The following PLXNA4 variants were observed in gnomAD, a reference collection of about 807,000 sequenced individuals.
PLXNA4 encodes the protein plexin-A4.
PLXNA4 carries 44 observed loss-of-function variants against 191.8 expected under a neutral mutation model. The observed-to-expected ratio is 0.23, with a 90% CI of 0.18 to 0.29. The LOEUF (loss-of-function observed/expected upper bound fraction) is 0.29. Ranked by LOEUF, PLXNA4 falls within the 10% of genes least tolerant of loss-of-function variation. The pLI, the probability that PLXNA4 is intolerant of heterozygous loss-of-function variation, is 1.00. For synonymous variants in PLXNA4, 1,082 were observed against 1,009.5 expected (o/e 1.07, Z -1.36); for missense variants, 1,800 against 2,488.8 (o/e 0.72, Z 5.89).
intron 12 of PLXNA4, 78 bp downstream of exon 12, chr7:132,202,568 T>TGGGCA: frequency 7.4e-7 from 1 of 1,353,946 alleles, no homozygotes; most frequent in Non-Finnish European, 9.6e-7. Context: ...ACACCACGGC[T>TGGGCA]GGGCAGAGTT....
chr7:132,639,452 C>G (rs1198024002), intron 2 of PLXNA4, among the ~76,000 whole-genome samples: 1 of 152,190 alleles, frequency 6.6e-6, no homozygotes, highest in Non-Finnish European at 1.5e-5. Context: ...TAAGAAAAAG[C>G]AAGAATTCAG....
chr7:132,426,164 C>T (rs277470), intron 3 of PLXNA4, among the ~76,000 whole-genome samples: 4 of 152,164 alleles, frequency 2.6e-5, no homozygotes, highest in Non-Finnish European at 4.4e-5. Flanking sequence ...TCAAGAAGTG[C>T]GGCCAAGCAA....
intron 4 of PLXNA4, among the ~76,000 whole-genome samples, chr7:132,295,110 C>T (rs1207985899): frequency 6.6e-6 from 1 of 152,202 alleles, no homozygotes; most frequent in Non-Finnish European, 1.5e-5. Context: ...TTGTAATAAA[C>T]TGAAGCAATA....
At chr7:132,252,600 C>T (rs1170819739) in intron 4 of PLXNA4, among the ~76,000 whole-genome samples, 1 of 152,124 alleles carries the variant, frequency 6.6e-6, no homozygotes, top group Non-Finnish European at 1.5e-5. Context: ...CATGCCTGGC[C>T]TCTAAAAGGG....
intron 3 of PLXNA4, among the ~76,000 whole-genome samples, chr7:132,373,278 A>T (rs1804518749): frequency 6.6e-6 from 1 of 152,140 alleles, no homozygotes; most frequent in South Asian, 2.1e-4. Context: ...GATGCCAAGT[A>T]CACCTTTCCC....
intron 29 of PLXNA4, among the ~76,000 whole-genome samples, chr7:132,141,886 C>T (rs1343909619): frequency 6.6e-6 from 1 of 152,146 alleles, no homozygotes; most frequent in Non-Finnish European, 1.5e-5. Flanking sequence ...GCCATCACCA[C>T]ACTCAGCTAA....
At chr7:132,628,468 G>A (rs1287585366) in intron 2 of PLXNA4, among the ~76,000 whole-genome samples, 1 of 150,700 alleles carries the variant, frequency 6.6e-6, no homozygotes, top group Non-Finnish European at 1.5e-5. Context: ...CCTTGATTAT[G>A]CTGAACATTC....
At chr7:132,379,677 G>A (rs1358823241) in intron 3 of PLXNA4, among the ~76,000 whole-genome samples, 1 of 152,206 alleles carries the variant, frequency 6.6e-6, no homozygotes, top group African/African-American at 2.4e-5. Flanking sequence ...TCAGTCAAAT[G>A]TTGAAGGAAA....
chr7:132,438,790 A>AT (rs1458435774), intron 3 of PLXNA4, among the ~76,000 whole-genome samples: 31 of 152,156 alleles, frequency 2.0e-4, no homozygotes, highest in African/African-American at 6.8e-4. Flanking sequence ...TCTTGGTCTA[A>AT]TAGCTTTTTT....
intron 2 of PLXNA4, among the ~76,000 whole-genome samples, chr7:132,631,036 A>G (rs1803481793): frequency 1.3e-5 from 2 of 152,210 alleles, no homozygotes; most frequent in Admixed American, 6.5e-5. Flanking sequence ...GAGAATTAAC[A>G]TGTGTATTCG....
rs1796914553 is a variant in PLXNA4 at position 132,187,387 on chromosome 7, C to T, written c.2993+84G>A. ...GTGGTTACACCCTCCCAACTCTCTG[C>T]AATAAAAACAAAGCTACCCTGAAGT... On this transcript the variant is annotated intron_variant, in intron 15 of 31. Coordinates refer to ENST00000321063, the MANE Select transcript of PLXNA4 (RefSeq NM_020911.2). 4 of 1,527,738 alleles carry T rather than the reference C, an allele frequency of 2.6e-6. No individual in the cohort carries two copies. In the East Asian group the frequency reaches 6.9e-5, roughly 26 times the overall value. 94.6% of individuals were successfully genotyped at this position (1,527,738 alleles called of 1,614,324 possible). A position where few individuals can be genotyped will look rare whatever the true frequency, so the allele number is the denominator to read the frequency against.
chr7:132,206,491 A>C (rs1797624214), intron 10 of PLXNA4, among the ~76,000 whole-genome samples: 1 of 149,188 alleles, frequency 6.7e-6, no homozygotes. Context: ...TGCAAGCATA[A>C]ATTTTCTCTT....
chr7:132,447,096 A>T lies in PLXNA4; in HGVS notation c.1371+42196T>A, dbSNP rs1045591176. On this transcript the variant is annotated intron_variant, in intron 3 of 31. Transcript: ENST00000321063. ...TCCTGACATCTGAAATTCAGCATTG[A>T]TTTTTCTGGCCCCGCTCCACTGCCT... 6.6e-5 allele frequency among the ~76,000 whole-genome samples: 10 copies of T among 151,862 alleles called. No homozygotes were observed. In the East Asian group the frequency reaches 1.9e-3, roughly 29 times the overall value.
At chr7:132,647,876 C>T (rs1427871861) in intron 1 of PLXNA4, among the ~76,000 whole-genome samples, 1 of 151,862 alleles carries the variant, frequency 6.6e-6, no homozygotes, top group Admixed American at 6.6e-5. Flanking sequence ...CACTCACACA[C>T]ATCCACATTC....
In PLXNA4 at chr7:132,520,055, G is replaced by A. The variant is rs560628709; in HGVS notation, c.-86-11276C>T. 1.1e-4 allele frequency among the ~76,000 whole-genome samples: 16 copies of A among 152,326 alleles called. No individual in the cohort carries two copies. The East Asian group carries it at 1.7e-3, about 17-fold the overall frequency. On this transcript the variant is annotated intron_variant, in intron 1 of 31. Transcript: ENST00000321063. ...TTGTGGAGGTGCAGGGCAGAGCCACGTGATGTGATGATTACAACACCCAGG... is the reference window on the plus strand; with the variant it reads ...TTGTGGAGGTGCAGGGCAGAGCCACATGATGTGATGATTACAACACCCAGG...
intron 3 of PLXNA4, among the ~76,000 whole-genome samples, chr7:132,469,131 A>G (rs1585180572): frequency 1.3e-5 from 2 of 151,686 alleles, no homozygotes; most frequent in African/African-American, 4.8e-5. Flanking sequence ...AAAAAAAAAA[A>G]AAAAAAAAGA....
intron 12 of PLXNA4, among the ~76,000 whole-genome samples, chr7:132,198,907 C>T (rs766812982): frequency 2.0e-5 from 3 of 152,144 alleles, no homozygotes; most frequent in Non-Finnish European, 4.4e-5. Flanking sequence ...GGAACATGAC[C>T]AGCAATGCTA....
At chr7:132,474,214 T>TCACACGCACA (rs1797037111) in intron 3 of PLXNA4, among the ~76,000 whole-genome samples, 1 of 140,194 alleles carries the variant, frequency 7.1e-6, no homozygotes, top group South Asian at 2.4e-4. Context: ...TCTCTCTGTC[T>TCACACGCACA]CACACACACA....
chr7:132,524,063 T>C (rs1799301733), intron 1 of PLXNA4, among the ~76,000 whole-genome samples: 1 of 152,100 alleles, frequency 6.6e-6, no homozygotes, highest in South Asian at 2.1e-4. Flanking sequence ...ATGTCATCCT[T>C]ATTCTCTGGA....
Sources: allele counts gnomAD v4.1 joint callset (sites outside exome capture counted in the v4.1 genomes callset), GRCh38; gene constraint gnomAD v4.1.1; transcripts MANE v1.5; gene names NCBI Gene and HGNC (gene_info 2026-07-23, HGNC 2026-07-21).